SH3BGRL: variants seen among roughly 807,000 people sequenced by gnomAD.
SH3BGRL encodes the protein adapter SH3BGRL.
A neutral mutation model predicts 9.8 loss-of-function variants in SH3BGRL; 7 were observed. The ratio of observed to expected loss-of-function variants is 0.72; its 90% CI spans 0.41 to 1.35. The LOEUF (loss-of-function observed/expected upper bound fraction) is 1.35, where lower values mean the gene tolerates loss of function less well. Ranked by LOEUF, SH3BGRL falls within the 40% of genes most tolerant of loss-of-function variation. SH3BGRL has a pLI of 0.01. For missense variants in SH3BGRL, 73 were observed against 84.4 expected (o/e 0.86, Z 0.53); for synonymous variants, 36 against 29.1 (o/e 1.24, Z -0.76).
intron 1 of SH3BGRL, among the ~76,000 whole-genome samples, chrX:81,244,231 G>C (rs759260575): frequency 3.6e-5 from 4 of 111,340 alleles, no homozygotes; most frequent in African/African-American, 1.3e-4. Flanking sequence ...AGGAGTGCTG[G>C]GGGGACACAT....
At position 81,276,969 on chromosome X, in the gene SH3BGRL, G is replaced by C. The variant is rs953833177; in HGVS notation, c.46-15G>C. 3.4e-6 allele frequency: 4 copies of C among 1,186,639 alleles called. No homozygotes were observed. In the African/African-American group the frequency reaches 7.2e-5, roughly 21 times the overall value. ...TTGAATTTGGAAAATACGGTTTCTT[G>C]TCCTTTGGTCCTAGATTAAGAAGAA... On this transcript the variant is annotated splice_polypyrimidine_tract_variant and intron_variant, in intron 1 of 3. Coordinates refer to ENST00000373212, the MANE Select transcript of SH3BGRL (RefSeq NM_003022.3).
intron 3 of SH3BGRL, among the ~76,000 whole-genome samples, chrX:81,282,119 C>A (rs2075819475): frequency 8.9e-6 from 1 of 111,946 alleles, no homozygotes; most frequent in Non-Finnish European, 1.9e-5. Flanking sequence ...CCTTATCCAA[C>A]AGGAAAATAT....
rs1049179296 is a variant in SH3BGRL at position 81,297,951 on chromosome X, G to C, written c.*724G>C. 1 of 111,811 alleles carries C rather than the reference G, an allele frequency of 8.9e-6. No homozygotes were observed. The allele number at this position is 111,811 out of a possible 1,213,427, so 9.2% of individuals were successfully genotyped here. On this transcript the variant is annotated 3_prime_UTR_variant, in exon 4 of 4. Coordinates refer to ENST00000373212, the MANE Select transcript of SH3BGRL (RefSeq NM_003022.3). ...ATATATCCAAGTTCCTTGCCTCAGT[G>C]AAATATGCATATGTATATCATGAAA...
chrX:81,208,982 C>T (rs2075555519), intron 1 of SH3BGRL, among the ~76,000 whole-genome samples: 1 of 105,344 alleles, frequency 9.5e-6, no homozygotes, highest in African/African-American at 3.5e-5. Flanking sequence ...GTTGTATTGC[C>T]CTTTCGTTAG....
intron 1 of SH3BGRL, among the ~76,000 whole-genome samples, chrX:81,257,240 ACT>A (rs2075728092): frequency 8.9e-6 from 1 of 111,877 alleles, no homozygotes; most frequent in Non-Finnish European, 1.9e-5. Flanking sequence ...AGGTATTATG[ACT>A]CTCAACTAAT....
chrX:81,286,498 CAAAAAAAAAAAAAAA>C (rs570813241), intron 3 of SH3BGRL, among the ~76,000 whole-genome samples: 3 of 46,398 alleles, frequency 6.5e-5, no homozygotes, highest in African/African-American at 2.8e-4. Flanking sequence ...AGCTACTAGG[CAAAAAAAAAAAAAAA>C]AAAAAAAAAA....
chrX:81,244,699 G>T (rs1024078743), intron 1 of SH3BGRL, among the ~76,000 whole-genome samples: 1 of 111,023 alleles, frequency 9.0e-6, no homozygotes, highest in Non-Finnish European at 1.9e-5. Flanking sequence ...TGCAGAATGT[G>T]CAGGATTTGT....
chrX:81,269,716 G>A (rs5959091), intron 1 of SH3BGRL, among the ~76,000 whole-genome samples: 24,269 of 109,089 alleles, frequency 0.22, 2,228 homozygotes, highest in East Asian at 0.7. Flanking sequence ...CTTCTTGAGG[G>A]GTATCTTTGT....
intron 3 of SH3BGRL, among the ~76,000 whole-genome samples, chrX:81,290,059 C>T (rs2075851933): frequency 9.0e-6 from 1 of 111,363 alleles, no homozygotes; most frequent in African/African-American, 3.3e-5. Flanking sequence ...TGGCTTTTAT[C>T]CAAAGGTCAG....
chrX:81,244,336 C>T (rs1243484028), intron 1 of SH3BGRL, among the ~76,000 whole-genome samples: 1 of 111,899 alleles, frequency 8.9e-6, no homozygotes, highest in Non-Finnish European at 1.9e-5. Flanking sequence ...AGTAACAAAA[C>T]ATCACCTAAA....
intron 3 of SH3BGRL, among the ~76,000 whole-genome samples, chrX:81,285,697 CTAGT>C (rs2075831995): frequency 9.0e-6 from 1 of 111,683 alleles, no homozygotes; most frequent in Non-Finnish European, 1.9e-5. Flanking sequence ...ACTTTAGAAA[CTAGT>C]TAAGTATCTA....
intron 1 of SH3BGRL, among the ~76,000 whole-genome samples, chrX:81,269,404 C>T (rs181392648): frequency 1.8e-5 from 2 of 111,834 alleles, no homozygotes; most frequent in African/African-American, 6.5e-5. Context: ...TCTTTTAGGG[C>T]AGGCCTGGTG....
At chrX:81,203,003 G>T (rs1236337650) in intron 1 of SH3BGRL, among the ~76,000 whole-genome samples, 1 of 111,718 alleles carries the variant, frequency 9.0e-6, no homozygotes, top group East Asian at 2.8e-4. Flanking sequence ...CTTGTGTAGT[G>T]GCAGCCTGAG....
intron 1 of SH3BGRL, among the ~76,000 whole-genome samples, chrX:81,261,177 C>G (rs949334209): frequency 1.8e-5 from 2 of 111,255 alleles, no homozygotes; most frequent in Non-Finnish European, 3.8e-5. Context: ...TTAGGGATAT[C>G]TAAGTTTGAA....
intron 3 of SH3BGRL, among the ~76,000 whole-genome samples, chrX:81,287,835 A>C (rs1317132369): frequency 7.2e-5 from 8 of 110,761 alleles, no homozygotes; most frequent in Non-Finnish European, 1.1e-4. Context: ...AATTTTACTC[A>C]AACTATTCTG....
intron 1 of SH3BGRL, among the ~76,000 whole-genome samples, chrX:81,220,697 G>A (rs2075597573): frequency 9.2e-6 from 1 of 109,016 alleles, no homozygotes; most frequent in Admixed American, 9.8e-5. Context: ...TCTTTGAGAT[G>A]CACCTTTAAG....
chrX:81,231,715 A>T (rs941097298), intron 1 of SH3BGRL, among the ~76,000 whole-genome samples: 3 of 112,045 alleles, frequency 2.7e-5, no homozygotes, highest in African/African-American at 9.7e-5. Context: ...CAATAATTCT[A>T]AGGAGAACCT....
At chrX:81,211,347 G>GA (rs2075562609) in intron 1 of SH3BGRL, among the ~76,000 whole-genome samples, 1 of 111,608 alleles carries the variant, frequency 9.0e-6, no homozygotes, top group South Asian at 3.8e-4. Context: ...CACTTTGTGG[G>GA]GGCCGAGGCG....
intron 1 of SH3BGRL, among the ~76,000 whole-genome samples, chrX:81,262,014 T>C (rs2075742926): frequency 9.0e-6 from 1 of 110,627 alleles, no homozygotes; most frequent in Non-Finnish European, 1.9e-5. Context: ...CAAATAAGAG[T>C]CAAACCATGA....
Sources: allele counts gnomAD v4.1 joint callset (sites outside exome capture counted in the v4.1 genomes callset), GRCh38; gene constraint gnomAD v4.1.1; transcripts MANE v1.5; gene names NCBI Gene and HGNC (gene_info 2026-07-23, HGNC 2026-07-21).